The following HSPA12A variants were observed in gnomAD, a reference collection of about 807,000 sequenced individuals.
HSPA12A encodes the protein heat shock protein family A (Hsp70) member 12A.
A neutral mutation model predicts 69.2 loss-of-function variants in HSPA12A; 28 were observed. That is an observed-to-expected ratio of 0.40 (90% CI 0.30 to 0.55). HSPA12A has a LOEUF of 0.55. Ranked by LOEUF, HSPA12A falls within the 20% of genes least tolerant of loss-of-function variation. HSPA12A has a pLI of 0.38. For missense variants in HSPA12A, 686 were observed against 900.7 expected, an observed-to-expected ratio of 0.76 and a Z score of 3.05; for synonymous variants, 345 against 370.5, an observed-to-expected ratio of 0.93 and a Z score of 0.79.
At position 116,710,855 on chromosome 10, in the gene HSPA12A, T is replaced by C. The variant is rs1850402589; in HGVS notation, c.41-3570A>G. ...CAGTAGAGACATGCTACTGTTTCTC[T>C]ACTTCACTACTTAGGATGTCAAAAT... is the stretch of plus-strand genomic sequence containing the variant. On this transcript the variant is annotated intron_variant, in intron 1 of 11. Transcript: ENST00000369209. The surrounding 1 kb of genome is among the most constrained non-coding windows in gnomAD (Gnocchi z 4.1). Among the ~76,000 whole-genome samples, 1 of 152,160 alleles carries C rather than the reference T, an allele frequency of 6.6e-6. No individual in the cohort carries two copies. Among genetic ancestry groups the C allele is most frequent in the Admixed American group, 6.5e-5 (1 of 15,290 alleles).
In HSPA12A at chr10:116,674,242, TA is replaced by T. The variant is rs1293677969; in HGVS notation, c.*538del. 6.3e-6 allele frequency: 1 copy of T among 159,024 alleles called. No individual in the cohort carries two copies. The highest frequency in any genetic ancestry group is 2.4e-5 in the African/African-American group (1 of 41,494). The allele number at this position is 159,024 out of a possible 1,614,324, so 9.9% of individuals were successfully genotyped here. On this transcript the variant is annotated 3_prime_UTR_variant, in exon 12 of 12. Transcript: ENST00000369209. Reference sequence around the variant, plus strand: ...GTGTAGGCAGCCTTCTACCACCAGCTAAAAACATTCCCAGTTCCCACTGAAT... The same window carrying T: ...GTGTAGGCAGCCTTCTACCACCAGCTAAAACATTCCCAGTTCCCACTGAAT...
At chr10:116,695,552 C>T (rs1554880722) in intron 5 of HSPA12A, among the ~76,000 whole-genome samples, 1 of 152,064 alleles carries the variant, frequency 6.6e-6, no homozygotes, top group African/African-American at 2.4e-5. Flanking sequence ...CGCGGTGGCT[C>T]ACACCTGTAA....
intron 2 of HSPA12A, among the ~76,000 whole-genome samples, chr10:116,758,569 C>T (rs1388329707): frequency 1.3e-5 from 2 of 152,138 alleles, no homozygotes; most frequent in African/African-American, 2.4e-5. Context: ...ATGAGGCCAG[C>T]GGAGATGGTT....
intron 2 of HSPA12A, among the ~76,000 whole-genome samples, chr10:116,771,350 C>G (rs1226590441): frequency 4.1e-5 from 6 of 146,374 alleles, no homozygotes; most frequent in Non-Finnish European, 7.4e-5. Flanking sequence ...GACAGGGGCC[C>G]TGACGAGATA....
intron 7 of HSPA12A, among the ~76,000 whole-genome samples, chr10:116,682,205 T>C (rs1849428117): frequency 6.6e-6 from 1 of 152,124 alleles, no homozygotes; most frequent in South Asian, 2.1e-4. Flanking sequence ...GAGAATGTGG[T>C]CAAATGTGCG....
intron 5 of HSPA12A, among the ~76,000 whole-genome samples, chr10:116,695,942 G>A (rs903882633): frequency 6.9e-6 from 1 of 145,334 alleles, no homozygotes; most frequent in Non-Finnish European, 1.5e-5. Flanking sequence ...GGCAGAGGTT[G>A]TGGTGAGCCG....
intron 2 of HSPA12A, among the ~76,000 whole-genome samples, chr10:116,780,102 C>G (rs1396932040): frequency 6.6e-6 from 1 of 152,188 alleles, no homozygotes; most frequent in African/African-American, 2.4e-5. Context: ...ACAGGGACTG[C>G]CCAGCAACAA....
intron 7 of HSPA12A, among the ~76,000 whole-genome samples, chr10:116,682,219 C>T (rs1849428964): frequency 6.6e-6 from 1 of 152,196 alleles, no homozygotes; most frequent in African/African-American, 2.4e-5. Flanking sequence ...ATGTGCGCCA[C>T]TGCACTCCAA....
Position 116,674,687 on chromosome 10 carries a change from G to A in HSPA12A, c.*94C>T. The stretch of plus-strand genomic sequence containing the variant: ...CCCTGCTGAAATTCACATGGGCAAT[G>A]GTGAGGGTCAAGGTTAGGGAAAGAA... On this transcript the variant is annotated 3_prime_UTR_variant, in exon 12 of 12. Coordinates refer to ENST00000369209, the MANE Select transcript of HSPA12A (RefSeq NM_025015.3). The A allele has an allele frequency of 7.9e-7, 1 of 1,272,304 alleles. No homozygotes were observed. The highest frequency in any genetic ancestry group is 1.1e-6 in the Non-Finnish European group (1 of 912,098). 78.8% of individuals were successfully genotyped at this position (1,272,304 alleles called of 1,614,324 possible). A position where few individuals can be genotyped will look rare whatever the true frequency, so the allele number is the denominator to read the frequency against.
Position 116,774,145 on chromosome 10 carries a change from G to T in HSPA12A, c.91+60790C>A, listed in dbSNP as rs531073271. Among the ~76,000 whole-genome samples, 262 of 151,610 alleles carry T rather than the reference G, an allele frequency of 1.7e-3. 1 individual carries two copies. The highest frequency in any genetic ancestry group is 8.1e-4 in the Non-Finnish European group (55 of 67,626). ...CTGCCTCAGCCTCCCAAGTAGCTGG[G>T]ACTACAGGCGCCCGCCACTACGCCC... On this transcript the variant is annotated intron_variant, in intron 2 of 12. Transcript: ENST00000635765.
chr10:116,748,209 A>G (rs576015865), intron 2 of HSPA12A, among the ~76,000 whole-genome samples: 40 of 152,206 alleles, frequency 2.6e-4, no homozygotes, highest in African/African-American at 8.9e-4. Context: ...CTTGGTGATG[A>G]CTCACTGGGG....
chr10:116,813,198 C>T (rs1845228528), intron 2 of HSPA12A, among the ~76,000 whole-genome samples: 1 of 151,316 alleles, frequency 6.6e-6, no homozygotes, highest in Non-Finnish European at 1.5e-5. Flanking sequence ...AATGCAGCCA[C>T]CAGCTCCTAC....
At chr10:116,711,078 G>A (rs1489255750) in intron 1 of HSPA12A, among the ~76,000 whole-genome samples, 1 of 152,176 alleles carries the variant, frequency 6.6e-6, no homozygotes, top group Non-Finnish European at 1.5e-5. Flanking sequence ...GACAACAGGA[G>A]AGAATTGATG....
At chr10:116,830,527 C>T in intron 2 of HSPA12A, 1 of 149,956 alleles carries the variant, frequency 6.7e-6, no homozygotes, top group East Asian at 1.9e-4. Flanking sequence ...ATAATCCCAC[C>T]ACTTTGGGAG....
intron 2 of HSPA12A, among the ~76,000 whole-genome samples, chr10:116,783,785 C>T (rs1312881392): frequency 1.3e-5 from 2 of 152,206 alleles, no homozygotes; most frequent in East Asian, 3.9e-4. Flanking sequence ...TCACTGCAAC[C>T]TCTGCCTCCC....
chr10:116,794,466 T>C (rs891087193), intron 2 of HSPA12A, among the ~76,000 whole-genome samples: 1 of 152,118 alleles, frequency 6.6e-6, no homozygotes, highest in African/African-American at 2.4e-5. Flanking sequence ...ACTGAACACA[T>C]GCAGATCACA....
At chr10:116,728,836 T>G (rs1256778623) in intron 1 of HSPA12A, among the ~76,000 whole-genome samples, 1 of 152,190 alleles carries the variant, frequency 6.6e-6, no homozygotes, top group East Asian at 1.9e-4. Context: ...TGAGTAAGAC[T>G]CCCTGATGGT....
At chr10:116,677,070 G>A (rs1379527434) in intron 10 of HSPA12A, among the ~76,000 whole-genome samples, 1 of 152,156 alleles carries the variant, frequency 6.6e-6, no homozygotes, top group Non-Finnish European at 1.5e-5. Flanking sequence ...CACCACTGCG[G>A]AGCTCTGGGA....
At chr10:116,845,426 C>G (rs1404012602) in intron 1 of HSPA12A, among the ~76,000 whole-genome samples, 1 of 152,160 alleles carries the variant, frequency 6.6e-6, no homozygotes, top group African/African-American at 2.4e-5. Context: ...CATTCCCAGA[C>G]AAGTGTTTCT....
Sources: allele counts gnomAD v4.1 joint callset (sites outside exome capture counted in the v4.1 genomes callset), GRCh38; gene constraint gnomAD v4.1.1; non-coding constraint Gnocchi (gnomAD v3.1); transcripts MANE v1.5; gene names NCBI Gene and HGNC (gene_info 2026-07-23, HGNC 2026-07-21).